Variants in TAB3 observed in about 807,000 individuals in gnomAD.
TAB3 encodes TGF-beta-activated kinase 1 and MAP3K7-binding protein 3.
A neutral mutation model predicts 48.1 loss-of-function variants in TAB3; 18 were observed. That is an observed-to-expected ratio of 0.37 (90% confidence interval 0.26 to 0.55). TAB3 has a LOEUF of 0.55. Ranked by LOEUF, TAB3 falls within the 20% of genes least tolerant of loss-of-function variation. The pLI is 0.78. For synonymous variants in TAB3, 185 were observed against 190.2 expected, an observed-to-expected ratio of 0.97 and a Z score of 0.22; for missense variants, 414 against 549.8, an observed-to-expected ratio of 0.75 and a Z score of 2.47.
intron 1 of TAB3, 79 bp downstream of exon 1, chrX:30,889,035 C>A (rs1940221562): frequency 8.8e-6 from 1 of 113,186 alleles, no homozygotes; most frequent in African/African-American, 3.2e-5. Flanking sequence ...GTCTCAGGCA[C>A]AGGGTCACTG....
chrX:30,856,385 G>A (rs927672639), intron 5 of TAB3, among the ~76,000 whole-genome samples: 1 of 111,971 alleles, frequency 8.9e-6, no homozygotes, highest in Non-Finnish European at 1.9e-5. Context: ...TCACAAAGGA[G>A]GTAATAGCAA....
chrX:30,842,399 A>T (rs375215277), intron 9 of TAB3, among the ~76,000 whole-genome samples: 15 of 111,880 alleles, frequency 1.3e-4, no homozygotes, highest in Non-Finnish European at 2.3e-4. Flanking sequence ...TTTTATGAGA[A>T]TTATCTTTTA....
Position 30,866,285 on chromosome X carries a change from CATAA to C in TAB3, c.-91+826_-91+829del, listed in dbSNP as rs1197748057. On this transcript the variant is annotated intron_variant, in intron 4 of 10. Transcript: ENST00000288422. The stretch of plus-strand genomic sequence containing the variant: ...ATACATAAAAATATTTATAAATATG[CATAA>C]ATATATAGACTATATACACGGAAAT... Among the ~76,000 whole-genome samples the C allele has an allele frequency of 5.4e-5, 6 of 111,211 alleles. No homozygotes were observed. In the South Asian group the frequency reaches 2.2e-3, roughly 41 times the overall value.
chrX:30,843,363 G>GA (rs1966954776), intron 8 of TAB3: 1 of 140,360 alleles, frequency 7.1e-6, no homozygotes, highest in Admixed American at 8.7e-5. Flanking sequence ...ATGAAGAAGA[G>GA]AAATGAAAGG....
Position 30,847,189 on chromosome X carries a change from T to C in TAB3, c.1711-545A>G, listed in dbSNP as rs181284289. Among the ~76,000 whole-genome samples the C allele has an allele frequency of 6.1e-4, 68 of 111,697 alleles. 1 individual carries two copies. Among genetic ancestry groups the C allele is most frequent in the Non-Finnish European group, 9.8e-4 (52 of 53,150 alleles). On this transcript the variant is annotated intron_variant, in intron 7 of 10. Transcript: ENST00000288422. ...TTTCTTAAAGTTATAAAGCTAGTAATTGGTAGAGCCAGGATTTATATAAAA... is the reference window on the plus strand; with the variant it reads ...TTTCTTAAAGTTATAAAGCTAGTAACTGGTAGAGCCAGGATTTATATAAAA...
At chrX:30,868,565 GCTTATATATATATATATAT>G (rs1193560346) in intron 2 of TAB3, among the ~76,000 whole-genome samples, 2,270 of 11,756 alleles carry the variant, frequency 0.19, 541 homozygotes, top group Admixed American at 0.23. Flanking sequence ...TATATATATA[GCTTATATATATATATATAT>G]ATAGAGAGAG....
Position 30,829,060 on chromosome X carries a change from A to G in TAB3, c.*2367T>C, listed in dbSNP as rs1937956261. On this transcript the variant is annotated 3_prime_UTR_variant, in exon 11 of 11. Coordinates refer to ENST00000288422, the MANE Select transcript of TAB3 (RefSeq NM_152787.5). The stretch of plus-strand genomic sequence containing the variant: ...CATGTACAAAACTTCCTTAAAATCA[A>G]TCTGATACCGCATACCCCACCCTTT... 1.8e-5 allele frequency: 2 copies of G among 112,189 alleles called. No homozygotes were observed. Among genetic ancestry groups the G allele is most frequent in the Non-Finnish European group, 3.8e-5 (2 of 53,214 alleles). The allele number at this position is 112,189 out of a possible 1,213,427, so 9.2% of individuals were successfully genotyped here.
rs779868679 is a variant in TAB3 at position 30,855,023 on chromosome X, T to C, written c.642A>G (p.Gln214=). Residue 214 remains glutamine, a synonymous_variant, in exon 6 of 11, where the codon CAA becomes CAG. Transcript: ENST00000288422. ...GATTGCTTGGAATTTGTGGAAGAAT[T>C]TGTAAAGCTCTTGGTACAGTCTGTC... ...PSGQTVPRAL[Q]ILPQIPSNLY... The C allele has an allele frequency of 1.4e-5, 17 of 1,211,046 alleles. No individual in the cohort carries two copies. In the South Asian group the frequency reaches 3.0e-4, roughly 21 times the overall value.
chrX:30,857,280 T>C (rs1027380445), intron 5 of TAB3, among the ~76,000 whole-genome samples: 2 of 111,595 alleles, frequency 1.8e-5, no homozygotes, highest in Middle Eastern at 4.6e-3. Flanking sequence ...ACTCAAAGAT[T>C]TGAATTATTT....
Position 30,859,487 on chromosome X carries a change from C to T in TAB3, c.102G>A (p.Gln34=). The T allele has an allele frequency of 8.3e-7, 1 of 1,201,325 alleles. No individual in the cohort carries two copies. The highest frequency in any genetic ancestry group is 1.1e-6 in the Non-Finnish European group (1 of 887,579). ...TCACTATCACTGGTAGGTAACTTAC[C>T]TGTAACATGCACTGAGACACCACGC... The part of the protein sequence containing the change: ...PEGVVSQCML[Q]NNNNLEACCR... The change falls in exon 5 of 11, where the codon CAG becomes CAA. Residue 34 remains glutamine, a splice_region_variant and synonymous_variant. Coordinates refer to ENST00000288422, the MANE Select transcript of TAB3 (RefSeq NM_152787.5).
intron 7 of TAB3, among the ~76,000 whole-genome samples, chrX:30,848,261 C>T (rs1193638532): frequency 4.5e-5 from 5 of 112,290 alleles, no homozygotes; most frequent in African/African-American, 1.6e-4. Flanking sequence ...CAGTGGCTCA[C>T]TCCTGTAATC....
chrX:30,870,503 A>ATAAT lies in TAB3; in HGVS notation c.-280+1192_-280+1195dup, dbSNP rs200490956. Among the ~76,000 whole-genome samples, 54 of 112,523 alleles carry ATAAT rather than the reference A, an allele frequency of 4.8e-4. No homozygotes were observed. The East Asian group carries it at 0.013, about 27-fold the overall frequency. On this transcript the variant is annotated intron_variant, in intron 2 of 10. Coordinates refer to ENST00000288422, the MANE Select transcript of TAB3 (RefSeq NM_152787.5). ...TTATAATAGAGTGGGGTTGAGTTCT[A>ATAAT]TAATAAGTAGTCAGAAAAAGAAACA...
At position 30,875,121 on chromosome X, in the gene TAB3, TTA is replaced by T. The variant is rs766934292; in HGVS notation, c.-382-3322_-382-3321del. Among the ~76,000 whole-genome samples, 954 of 111,933 alleles carry T rather than the reference TTA, an allele frequency of 8.5e-3. 4 individuals carry two copies. The highest frequency in any genetic ancestry group is 0.013 in the Non-Finnish European group (714 of 53,152). On this transcript the variant is annotated intron_variant, in intron 1 of 10. Coordinates refer to ENST00000288422, the MANE Select transcript of TAB3 (RefSeq NM_152787.5). Reference sequence around the variant, plus strand: ...GGACATGAGTCATGGGGTCAGGATATTATATGACTTACAGAAAGAAGAAAGCA... The same window carrying T: ...GGACATGAGTCATGGGGTCAGGATATTATGACTTACAGAAAGAAGAAAGCA...
At chrX:30,873,394 G>A (rs943617187) in intron 1 of TAB3, among the ~76,000 whole-genome samples, 2 of 108,653 alleles carry the variant, frequency 1.8e-5, no homozygotes, top group East Asian at 2.9e-4. Context: ...GCGCAGTGGC[G>A]GGCGCCTGTA....
rs374857694 is a variant in TAB3, at chrX:30,884,791, A to G, written c.-383+4323T>C. On this transcript the variant is annotated intron_variant, in intron 1 of 10. Transcript: ENST00000288422. Reference sequence around the variant, plus strand: ...TGTAACCTCAACACGCTAACACTTTATTTTAAAATCTTGAAGTAAAACAAA... The same window carrying G: ...TGTAACCTCAACACGCTAACACTTTGTTTTAAAATCTTGAAGTAAAACAAA... 2.7e-5 allele frequency among the ~76,000 whole-genome samples: 3 copies of G among 112,253 alleles called. No homozygotes were observed. The East Asian group carries it at 8.3e-4, about 31-fold the overall frequency.
intron 1 of TAB3, among the ~76,000 whole-genome samples, chrX:30,885,847 C>T (rs1466552210): frequency 9.0e-6 from 1 of 111,528 alleles, no homozygotes; most frequent in Non-Finnish European, 1.9e-5. Context: ...ATCCGCATCC[C>T]TCTTGACCTC....
chrX:30,876,565 G>A (rs1287092777), intron 1 of TAB3, among the ~76,000 whole-genome samples: 1 of 111,582 alleles, frequency 9.0e-6, no homozygotes. Context: ...GAATGCGGTG[G>A]CGTGATCACG....
In TAB3 at chrX:30,830,190, TAC is replaced by T. The variant is rs1302172664; in HGVS notation, c.*1235_*1236del. 1 of 111,984 alleles carries T rather than the reference TAC, an allele frequency of 8.9e-6. No homozygotes were observed. The highest frequency in any genetic ancestry group is 2.8e-4 in the East Asian group (1 of 3,597). The allele number at this position is 111,984 out of a possible 1,213,427, so 9.2% of individuals were successfully genotyped here. A position where few individuals can be genotyped will look rare whatever the true frequency, so the allele number is the denominator to read the frequency against. The stretch of plus-strand genomic sequence containing the variant: ...TGTAGAGACTCAATTGACCTCTAGA[TAC>T]AGTTATGTTAAATTTTAAAAGTTGT... On this transcript the variant is annotated 3_prime_UTR_variant, in exon 11 of 11. Transcript: ENST00000288422.
chrX:30,866,870 TAAAAAA>T (rs77868699), intron 4 of TAB3, among the ~76,000 whole-genome samples: 2 of 74,732 alleles, frequency 2.7e-5, no homozygotes, highest in Admixed American at 1.6e-4. Flanking sequence ...AAGGGGTGTT[TAAAAAA>T]AAAAAAAAAA....
Sources: gnomAD v4.1 joint callset for allele counts (sites outside exome capture counted in the v4.1 genomes callset) on GRCh38, gnomAD v4.1.1 for gene constraint, MANE v1.5 for transcripts, NCBI Gene and HGNC (gene_info 2026-07-23, HGNC 2026-07-21) for gene names.